RARB: variants seen among roughly 807,000 people sequenced by gnomAD.
RARB encodes retinoic acid receptor beta, also known as HBV-activated protein.
In RARB, 17 loss-of-function variants were observed where a neutral mutation model predicts 51.9. The ratio of observed to expected loss-of-function variants is 0.33; its 90% CI spans 0.22 to 0.49. The LOEUF is 0.49. Ranked by LOEUF, RARB falls within the 20% of genes least tolerant of loss-of-function variation. RARB has a pLI of 0.99. For missense variants in RARB, 369 were observed against 550.8 expected, an observed-to-expected ratio of 0.67 and a Z score of 3.30; for synonymous variants, 215 against 195.4, an observed-to-expected ratio of 1.10 and a Z score of -0.84.
At chr3:25,030,924 C>T (rs1409538880) in intron 2 of RARB, among the ~76,000 whole-genome samples, 1 of 152,156 alleles carries the variant, frequency 6.6e-6, no homozygotes, top group East Asian at 1.9e-4. Flanking sequence ...CAGAGTCAGT[C>T]TCTGAATATT....
chr3:25,367,816 G>A lies in RARB; in HGVS notation c.179-93377G>A, dbSNP rs1034055416. Among the ~76,000 whole-genome samples the A allele has an allele frequency of 1.5e-4, 12 of 78,922 alleles. 1 individual carries two copies. Among genetic ancestry groups the A allele is most frequent in the African/African-American group, 5.4e-4 (11 of 20,232 alleles). 51.8% of individuals were successfully genotyped at this position (78,922 alleles called of 152,430 possible). A position where few individuals can be genotyped will look rare whatever the true frequency, so the allele number is the denominator to read the frequency against. On this transcript the variant is annotated intron_variant, in intron 5 of 11. Coordinates refer to the RARB transcript ENST00000383772. ...GAGACCCTGTCACAAAAAAAAACAA[G>A]CAAAAAAAAAACAAAAACAAAACAA...
At chr3:24,884,924 A>T (rs908581258) in intron 2 of RARB, among the ~76,000 whole-genome samples, 25 of 152,144 alleles carry the variant, frequency 1.6e-4, no homozygotes, top group East Asian at 3.9e-4. Flanking sequence ...ACATGGGGCC[A>T]TACTTCTTTT....
intron 2 of RARB, among the ~76,000 whole-genome samples, chr3:24,984,004 A>G (rs942971323): frequency 1.3e-5 from 2 of 152,222 alleles, no homozygotes; most frequent in Non-Finnish European, 2.9e-5. Flanking sequence ...ATTCTTACTA[A>G]TTCTAATTTA....
chr3:25,306,834 C>T (rs1377351400), intron 5 of RARB, among the ~76,000 whole-genome samples: 2 of 152,164 alleles, frequency 1.3e-5, no homozygotes, highest in Non-Finnish European at 2.9e-5. Flanking sequence ...ATGGGTTGAA[C>T]ATTTCTCTTA....
At chr3:25,277,504 A>G (rs1278777362) in intron 5 of RARB, among the ~76,000 whole-genome samples, 3 of 152,210 alleles carry the variant, frequency 2.0e-5, no homozygotes, top group Admixed American at 1.3e-4. Context: ...CAGTTTGCAA[A>G]TTGATTTGTC....
intron 5 of RARB, among the ~76,000 whole-genome samples, chr3:25,377,624 G>T (rs1056502056): frequency 2.0e-5 from 3 of 152,068 alleles, no homozygotes; most frequent in Admixed American, 1.3e-4. Flanking sequence ...TCTCTGAACT[G>T]GTTTATATAA....
At position 24,997,384 on chromosome 3, in the gene RARB, T is replaced by C. The variant is rs181182685; in HGVS notation, c.-379-62741T>C. ...ATGTTGGCGGCCTCAAGTTGGGTCT[T>C]TTTTTTTTTAATCTAGTCTTTATCT... On this transcript the variant is annotated intron_variant, in intron 2 of 11. Transcript: ENST00000383772. Among the ~76,000 whole-genome samples, 1,173 of 148,504 alleles carry C rather than the reference T, an allele frequency of 7.9e-3. 9 individuals are homozygous for C. Among genetic ancestry groups the C allele is most frequent in the Middle Eastern group, 0.024 (7 of 288 alleles).
At chr3:25,193,997 G>A (rs1394832767) in intron 5 of RARB, among the ~76,000 whole-genome samples, 1 of 151,790 alleles carries the variant, frequency 6.6e-6, no homozygotes, top group Non-Finnish European at 1.5e-5. Context: ...CCAAGATACG[G>A]AAGCAGCCTA....
At chr3:25,413,189 A>G (rs958879187) in intron 5 of RARB, among the ~76,000 whole-genome samples, 9 of 152,196 alleles carry the variant, frequency 5.9e-5, no homozygotes, top group African/African-American at 2.2e-4. Context: ...TAACTGAAAC[A>G]TTAATGTTTT....
chr3:25,267,035 T>G (rs1355790717), intron 5 of RARB, among the ~76,000 whole-genome samples: 1 of 152,216 alleles, frequency 6.6e-6, no homozygotes, highest in African/African-American at 2.4e-5. Flanking sequence ...TCCCCCTTTC[T>G]AAATGCTCTG....
chr3:25,256,961 A>T (rs1702881369), intron 5 of RARB, among the ~76,000 whole-genome samples: 1 of 152,130 alleles, frequency 6.6e-6, no homozygotes, highest in Non-Finnish European at 1.5e-5. Context: ...TGTGCTTGAC[A>T]TGCTTGCCCA....
chr3:25,034,640 A>G (rs1559441907), intron 2 of RARB, among the ~76,000 whole-genome samples: 2 of 152,226 alleles, frequency 1.3e-5, no homozygotes, highest in South Asian at 2.1e-4. Context: ...GCCATCTTCT[A>G]TGCCAGATAC....
chr3:24,860,410 G>T (rs539553361), intron 2 of RARB, among the ~76,000 whole-genome samples: 1 of 152,150 alleles, frequency 6.6e-6, no homozygotes, highest in Non-Finnish European at 1.5e-5. Flanking sequence ...CTGCTTTTCA[G>T]CAGGTCATTT....
At chr3:25,084,377 G>A (rs1699065456) in intron 3 of RARB, among the ~76,000 whole-genome samples, 1 of 151,032 alleles carries the variant, frequency 6.6e-6, no homozygotes, top group Non-Finnish European at 1.5e-5. Flanking sequence ...GTCTATATAT[G>A]TTACTCTGCC....
intron 1 of RARB, among the ~76,000 whole-genome samples, chr3:25,440,705 G>A (rs1052580014): frequency 4.0e-5 from 6 of 151,616 alleles, no homozygotes; most frequent in East Asian, 1.9e-4. Flanking sequence ...CCGGGGAGGC[G>A]GAGGTTGCAG....
At chr3:25,321,869 T>TA (rs542980653) in intron 5 of RARB, among the ~76,000 whole-genome samples, 28,394 of 143,558 alleles carry the variant, frequency 0.2, 2,814 homozygotes, top group African/African-American at 0.27. Flanking sequence ...CTCTAAAATT[T>TA]AAAAAAAAAA....
At chr3:25,372,958 A>G (rs1300344954) in intron 5 of RARB, among the ~76,000 whole-genome samples, 1 of 152,208 alleles carries the variant, frequency 6.6e-6, no homozygotes, top group Non-Finnish European at 1.5e-5. Flanking sequence ...GAAGGGAAAG[A>G]TAAGAGTCAA....
intron 5 of RARB, among the ~76,000 whole-genome samples, chr3:25,282,834 C>T (rs1282463402): frequency 6.6e-6 from 1 of 152,192 alleles, no homozygotes; most frequent in Non-Finnish European, 1.5e-5. Flanking sequence ...TCTCGTAAGC[C>T]TTGGATACCC....
At chr3:24,893,553 G>T (rs181686052) in intron 2 of RARB, among the ~76,000 whole-genome samples, 1 of 152,270 alleles carries the variant, frequency 6.6e-6, no homozygotes, top group East Asian at 1.9e-4. Context: ...ACAGGGTCTT[G>T]CTTTGTTGTC....
Sources: gnomAD v4.1 joint callset for allele counts (sites outside exome capture counted in the v4.1 genomes callset) on GRCh38, gnomAD v4.1.1 for gene constraint, MANE v1.5 for transcripts, NCBI Gene and HGNC (gene_info 2026-07-23, HGNC 2026-07-21) for gene names.